STAG1: variants seen among roughly 807,000 people sequenced by gnomAD.
The protein encoded by STAG1 is STAG1 cohesin complex component.
Under a neutral mutation model 170.9 loss-of-function variants are expected in STAG1, and 26 were observed. The ratio of observed to expected loss-of-function variants is 0.15; its 90% CI spans 0.11 to 0.21. STAG1 has a LOEUF of 0.21. Ranked by LOEUF, STAG1 falls within the 10% of genes least tolerant of loss-of-function variation. STAG1 has a pLI of 1.00. For missense variants in STAG1, 964 were observed against 1,509.5 expected, an observed-to-expected ratio of 0.64 and a Z score of 5.99; for synonymous variants, 514 against 497.7, an observed-to-expected ratio of 1.03 and a Z score of -0.44.
chr3:136,618,625 G>A (rs928853174), intron 3 of STAG1, among the ~76,000 whole-genome samples: 4 of 152,132 alleles, frequency 2.6e-5, no homozygotes, highest in Non-Finnish European at 5.9e-5. Flanking sequence ...AGGGGTTAAG[G>A]TTAGAGAGGT....
intron 7 of STAG1, chr3:136,518,286 C>G (rs1675738727): frequency 1.6e-6 from 1 of 639,798 alleles, no homozygotes; most frequent in Non-Finnish European, 2.8e-6. Flanking sequence ...TAAGCAATGT[C>G]AAGGAGCATT....
chr3:136,534,754 T>C (rs1428354709), intron 6 of STAG1, among the ~76,000 whole-genome samples: 1 of 152,174 alleles, frequency 6.6e-6, no homozygotes, highest in Non-Finnish European at 1.5e-5. Flanking sequence ...CAACAGATAC[T>C]GGTGAGGATC....
intron 10 of STAG1, among the ~76,000 whole-genome samples, chr3:136,473,892 T>C (rs754358943): frequency 6.6e-6 from 1 of 152,166 alleles, no homozygotes; most frequent in Non-Finnish European, 1.5e-5. Context: ...TGACTCAACA[T>C]GTGGTATAAC....
At chr3:136,600,787 C>G (rs1360880467) in intron 4 of STAG1, among the ~76,000 whole-genome samples, 2 of 152,138 alleles carry the variant, frequency 1.3e-5, no homozygotes, top group Non-Finnish European at 1.5e-5. Flanking sequence ...CCCGCCTGGG[C>G]CTCCCAAAAT....
At chr3:136,750,802 T>G (rs574456226) in intron 1 of STAG1, among the ~76,000 whole-genome samples, 3 of 152,370 alleles carry the variant, frequency 2.0e-5, no homozygotes, top group African/African-American at 7.2e-5. Context: ...TTCTTTCCAT[T>G]CCATATTTCC....
At chr3:136,564,014 C>CTT (rs71844293) in intron 5 of STAG1, among the ~76,000 whole-genome samples, 2 of 10,058 alleles carry the variant, frequency 2.0e-4, no homozygotes, top group Non-Finnish European at 4.7e-4. Context: ...CAGAATAAGA[C>CTT]TGTCTCGAAA....
At chr3:136,734,998 T>C (rs1203364570) in intron 1 of STAG1, among the ~76,000 whole-genome samples, 1 of 152,258 alleles carries the variant, frequency 6.6e-6, no homozygotes, top group South Asian at 2.1e-4. Flanking sequence ...GTCAGAACTC[T>C]TGACACTAAC....
intron 29 of STAG1, among the ~76,000 whole-genome samples, chr3:136,347,615 GA>G (rs1936280835): frequency 6.6e-6 from 1 of 151,998 alleles, no homozygotes; most frequent in African/African-American, 2.4e-5. Context: ...TATTCCTTTT[GA>G]AATATAGATG....
At chr3:136,346,314 C>T (rs1936219211) in intron 29 of STAG1, among the ~76,000 whole-genome samples, 1 of 152,180 alleles carries the variant, frequency 6.6e-6, no homozygotes, top group Non-Finnish European at 1.5e-5. Context: ...AGGGAGAACT[C>T]TCATCTTAAA....
chr3:136,459,512 G>C (rs966281160), intron 13 of STAG1, among the ~76,000 whole-genome samples: 1 of 152,128 alleles, frequency 6.6e-6, no homozygotes, highest in Non-Finnish European at 1.5e-5. Flanking sequence ...CTGCATTCTA[G>C]ACCAAATGGA....
rs1229637739 is a variant in STAG1, at chr3:136,562,852, T to G, written c.394+5913A>C. Among the ~76,000 whole-genome samples the G allele has an allele frequency of 2.0e-5, 3 of 152,186 alleles. No homozygotes were observed. The East Asian group carries it at 5.8e-4, about 29-fold the overall frequency. Reference sequence around the variant, plus strand: ...ATCTGCCCGCCTCAGCCTCCCAAAGTGCTGGGATTACAGGTGTGAGTCACG... The same window carrying G: ...ATCTGCCCGCCTCAGCCTCCCAAAGGGCTGGGATTACAGGTGTGAGTCACG... On this transcript the variant is annotated intron_variant, in intron 5 of 33. Coordinates refer to ENST00000383202, the MANE Select transcript of STAG1 (RefSeq NM_005862.3).
chr3:136,402,793 C>T (rs942777903), intron 21 of STAG1, among the ~76,000 whole-genome samples: 5 of 151,734 alleles, frequency 3.3e-5, no homozygotes, highest in Non-Finnish European at 7.4e-5. Flanking sequence ...TGCCACTGTA[C>T]CCCAGCGTGG....
intron 28 of STAG1, among the ~76,000 whole-genome samples, chr3:136,350,391 G>A (rs1190077778): frequency 1.3e-5 from 2 of 152,124 alleles, no homozygotes; most frequent in South Asian, 2.1e-4. Context: ...TGTTGTGTAA[G>A]TTCTATTCTG....
At chr3:136,684,799 T>C (rs1251591380) in intron 1 of STAG1, among the ~76,000 whole-genome samples, 1 of 131,886 alleles carries the variant, frequency 7.6e-6, no homozygotes, top group Admixed American at 7.6e-5. Context: ...AAAAAAAAAG[T>C]GCTAGAACAA....
intron 1 of STAG1, among the ~76,000 whole-genome samples, chr3:136,648,905 A>G (rs1375461212): frequency 6.6e-6 from 1 of 152,200 alleles, no homozygotes; most frequent in African/African-American, 2.4e-5. Context: ...TAAAATATTT[A>G]ATCACACCAG....
At chr3:136,492,010 A>G (rs571904641) in intron 9 of STAG1, among the ~76,000 whole-genome samples, 1 of 152,320 alleles carries the variant, frequency 6.6e-6, no homozygotes, top group East Asian at 1.9e-4. Context: ...ACAAAACAAA[A>G]AAACAAAAAA....
At chr3:136,715,857 G>A (rs1459949173) in intron 1 of STAG1, among the ~76,000 whole-genome samples, 3 of 151,734 alleles carry the variant, frequency 2.0e-5, no homozygotes, top group Admixed American at 2.0e-4. Context: ...CACCACTTTG[G>A]GAGGCCAAGG....
intron 4 of STAG1, among the ~76,000 whole-genome samples, chr3:136,575,873 A>G (rs1408062434): frequency 6.6e-6 from 1 of 152,216 alleles, no homozygotes; most frequent in Non-Finnish European, 1.5e-5. Context: ...ATGCAATGGA[A>G]GTAGAGAAAT....
chr3:136,398,415 G>A (rs1396994114), intron 22 of STAG1, among the ~76,000 whole-genome samples: 1 of 152,072 alleles, frequency 6.6e-6, no homozygotes, highest in Non-Finnish European at 1.5e-5. Context: ...ACCGTGCACG[G>A]CCTCAATGTT....
Sources: allele counts gnomAD v4.1 joint callset (sites outside exome capture counted in the v4.1 genomes callset), GRCh38; gene constraint gnomAD v4.1.1; transcripts MANE v1.5; gene names NCBI Gene and HGNC (gene_info 2026-07-23, HGNC 2026-07-21).